Variants in MYO3A observed in about 807,000 individuals in gnomAD.
MYO3A encodes the protein myosin-IIIa.
In MYO3A, 180 loss-of-function variants were observed where a neutral mutation model predicts 192.7. The ratio of observed to expected loss-of-function variants is 0.93; its 90% CI spans 0.83 to 1.06. MYO3A has a LOEUF of 1.06. Among genes scored for constraint, MYO3A ranks in the 50% least tolerant of loss-of-function variants. MYO3A has a pLI of 0.00. For synonymous variants in MYO3A, 628 were observed against 645.3 expected, an observed-to-expected ratio of 0.97 and a Z score of 0.41; for missense variants, 1,896 against 1,905.0, an observed-to-expected ratio of 1.00 and a Z score of 0.09.
rs189237763 is a variant in MYO3A, at chr10:26,210,509, C to T, written c.4731-1334C>T. On this transcript the variant is annotated intron_variant, in intron 34 of 34. Transcript: ENST00000642920. ...TCTGGCCAGTTCTCACCTCCTCCTC[C>T]ACAGGCCTAGTGTAAGCCACTATCG... 9.2e-4 allele frequency among the ~76,000 whole-genome samples: 140 copies of T among 152,296 alleles called. 1 individual carries two copies. The highest frequency in any genetic ancestry group is 3.1e-3 in the African/African-American group (127 of 41,566).
rs369973182 is a variant in MYO3A, at chr10:26,151,514, A to G, written c.2636-2336A>G. Reference sequence around the variant, plus strand: ...TTCTTATGATTAGTGAGTGAATGGCATATCTTTTTCCATACTCTTAATTTC... The same window carrying G: ...TTCTTATGATTAGTGAGTGAATGGCGTATCTTTTTCCATACTCTTAATTTC... On this transcript the variant is annotated intron_variant, in intron 23 of 34. Transcript: ENST00000642920. Among the ~76,000 whole-genome samples, 69 of 152,168 alleles carry G rather than the reference A, an allele frequency of 4.5e-4. No homozygotes were observed. The East Asian group carries it at 9.1e-3, about 20-fold the overall frequency.
chr10:26,183,000 G>A (rs16926640), intron 31 of MYO3A, among the ~76,000 whole-genome samples: 4,321 of 152,208 alleles, frequency 0.028, 194 homozygotes, highest in African/African-American at 0.098. Flanking sequence ...AGAACAAAAC[G>A]AACTGGCTTT....
chr10:26,154,878 A>G, intron 25 of MYO3A, 55 bp downstream of exon 25: 3 of 1,445,666 alleles, frequency 2.1e-6, no homozygotes, highest in Non-Finnish European at 2.9e-6. Flanking sequence ...AGTCTAAATG[A>G]GTTACAGATC....
intron 7 of MYO3A, among the ~76,000 whole-genome samples, chr10:26,018,708 G>A (rs898475951): frequency 2.0e-5 from 3 of 152,280 alleles, no homozygotes; most frequent in South Asian, 2.1e-4. Context: ...CCTGGAGAGC[G>A]AAAGGGGGTG....
intron 2 of MYO3A, among the ~76,000 whole-genome samples, chr10:25,941,584 G>A (rs919391820): frequency 6.6e-5 from 10 of 151,852 alleles, no homozygotes; most frequent in South Asian, 2.1e-4. Flanking sequence ...TTACATTCTG[G>A]GTAATTATAT....
intron 4 of MYO3A, among the ~76,000 whole-genome samples, chr10:25,962,064 G>C (rs1342810383): frequency 6.6e-6 from 1 of 152,082 alleles, no homozygotes; most frequent in African/African-American, 2.4e-5. Flanking sequence ...GGCCATACTA[G>C]CCTAGAGAAA....
chr10:26,088,570 A>G (rs1342472053), intron 15 of MYO3A, among the ~76,000 whole-genome samples, 165 bp downstream of exon 15: 4 of 152,248 alleles, frequency 2.6e-5, no homozygotes, highest in Non-Finnish European at 5.9e-5. Flanking sequence ...TCTTATTCTC[A>G]AATATATGTT....
Position 26,128,482 on chromosome 10 carries a change from A to G in MYO3A, c.2206A>G (p.Ile736Val), listed in dbSNP as rs1035778616. ...KNSFEQLCIN[I>V]ANEQIQYYYN... ...TTCCTTCGAGCAGCTGTGCATTAAC[A>G]TTGCAAATGAACAAATTCAGTATTA... is the stretch of plus-strand genomic sequence containing the variant. The change falls in exon 20 of 35, where the codon ATT becomes GTT. Residue 736 changes from isoleucine (I) to valine (V), a missense_variant. Coordinates refer to ENST00000642920, the MANE Select transcript of MYO3A (RefSeq NM_017433.5). The G allele has an allele frequency of 4.3e-6, 7 of 1,612,924 alleles. No homozygotes were observed. Among genetic ancestry groups the G allele is most frequent in the Non-Finnish European group, 5.9e-6 (7 of 1,179,166 alleles).
At chr10:25,981,758 G>A (rs986837634) in intron 4 of MYO3A, among the ~76,000 whole-genome samples, 1 of 152,212 alleles carries the variant, frequency 6.6e-6, no homozygotes, top group African/African-American at 2.4e-5. Flanking sequence ...GGCTTTAACA[G>A]GATTAAAATG....
At chr10:26,005,470 T>A (rs1166535669) in intron 6 of MYO3A, among the ~76,000 whole-genome samples, 4 of 152,136 alleles carry the variant, frequency 2.6e-5, no homozygotes, top group African/African-American at 9.7e-5. Context: ...GAAATTTGAA[T>A]GGGCTCTGTA....
chr10:25,959,044 T>C (rs117781902), intron 4 of MYO3A, among the ~76,000 whole-genome samples: 9,738 of 152,210 alleles, frequency 0.064, 408 homozygotes, highest in Non-Finnish European at 0.094. Context: ...TGAAGTTGTT[T>C]ATCAGCTTAA....
intron 4 of MYO3A, among the ~76,000 whole-genome samples, chr10:25,987,766 A>G (rs921601382): frequency 6.6e-6 from 1 of 151,960 alleles, no homozygotes; most frequent in Non-Finnish European, 1.5e-5. Flanking sequence ...CAACACCACT[A>G]TGGAACCACT....
At chr10:26,009,397 A>T (rs972252897) in intron 6 of MYO3A, among the ~76,000 whole-genome samples, 6 of 151,814 alleles carry the variant, frequency 4.0e-5, no homozygotes, top group African/African-American at 7.3e-5. Context: ...AATAAAATAA[A>T]TTTTTTAAAA....
chr10:26,062,822 G>T (rs1298948750), intron 10 of MYO3A, among the ~76,000 whole-genome samples: 1 of 152,070 alleles, frequency 6.6e-6, no homozygotes, highest in Non-Finnish European at 1.5e-5. Context: ...GGTTAACCCT[G>T]GAAAAGAAAG....
At chr10:26,191,430 C>G (rs1843124475) in intron 31 of MYO3A, among the ~76,000 whole-genome samples, 1 of 152,198 alleles carries the variant, frequency 6.6e-6, no homozygotes, top group Non-Finnish European at 1.5e-5. Flanking sequence ...GGGAGATGAA[C>G]CTCCAGGGAT....
In MYO3A at chr10:26,173,701, C is replaced by T; in HGVS notation, c.3437C>T (p.Ser1146Phe). Residue 1146 changes from serine to phenylalanine, a missense_variant, in exon 30 of 35, where the codon TCT (serine) becomes TTT (phenylalanine). Physicochemically the swap from Ser to Phe is radical, Grantham distance 155. Transcript: ENST00000642920. The stretch of plus-strand genomic sequence containing the variant: ...AAGAAACAAGCAGAAAATGCAATCT[C>T]TGCTAATGAAAGATTCATTTCAGCT... ...FVKKQAENAI[S>F]ANERFISAPN... 1.2e-6 allele frequency: 2 copies of T among 1,613,872 alleles called. No individual in the cohort carries two copies. The highest frequency in any genetic ancestry group is 1.7e-6 in the Non-Finnish European group (2 of 1,179,902).
intron 6 of MYO3A, among the ~76,000 whole-genome samples, chr10:26,003,666 A>G (rs1840993449): frequency 6.7e-6 from 1 of 149,346 alleles, no homozygotes; most frequent in African/African-American, 2.6e-5. Flanking sequence ...AAGTGAACTA[A>G]TGTCTGAAAA....
At chr10:26,165,744 G>T in intron 26 of MYO3A, 1 of 379,886 alleles carries the variant, frequency 2.6e-6, no homozygotes, top group Admixed American at 4.2e-5. Flanking sequence ...TTAGTGTCCA[G>T]AGAAAGGTAG....
Position 26,039,406 on chromosome 10 carries a change from T to C in MYO3A, c.953+12874T>C, listed in dbSNP as rs550203836. Among the ~76,000 whole-genome samples the C allele has an allele frequency of 2.0e-5, 3 of 152,124 alleles. No homozygotes were observed. In the South Asian group the frequency reaches 6.2e-4, roughly 32 times the overall value. ...TTTGCGTCAAGATGCATTTGTGATA[T>C]TGCCCTATAGGCTTTTCTTTCTCCT... On this transcript the variant is annotated intron_variant, in intron 10 of 34. Coordinates refer to ENST00000642920, the MANE Select transcript of MYO3A (RefSeq NM_017433.5).
Sources: gnomAD v4.1 joint callset for allele counts (sites outside exome capture counted in the v4.1 genomes callset) on GRCh38, gnomAD v4.1.1 for gene constraint, MANE v1.5 for transcripts, NCBI Gene and HGNC (gene_info 2026-07-23, HGNC 2026-07-21) for gene names.